The following IL16 variants were observed in gnomAD, a reference collection of about 807,000 sequenced individuals.
The protein encoded by IL16 is interleukin 16.
In IL16, 67 loss-of-function variants were observed where a neutral mutation model predicts 110.1. The ratio of observed to expected loss-of-function variants is 0.61; its 90% CI spans 0.50 to 0.75. The LOEUF (loss-of-function observed/expected upper bound fraction) is 0.75, where lower values mean the gene tolerates loss of function less well. Among genes scored for constraint, IL16 ranks in the 30% least tolerant of loss-of-function variants. The probability of loss-of-function intolerance (pLI) is 0.00; values close to 1 mark genes in which losing one functional copy is unlikely to be tolerated. For synonymous variants in IL16, 689 were observed against 662.9 expected (o/e 1.04, Z -0.61); for missense variants, 1,545 against 1,655.0 (o/e 0.93, Z 1.15).
chr15:81,221,413 A>T (rs1208312113), intron 1 of IL16, among the ~76,000 whole-genome samples: 3 of 152,100 alleles, frequency 2.0e-5, no homozygotes, highest in Non-Finnish European at 4.4e-5. Flanking sequence ...ATTAGTTCCA[A>T]CCTTTCGAAG....
intron 2 of IL16, among the ~76,000 whole-genome samples, chr15:81,228,114 C>T (rs1197932626): frequency 3.3e-5 from 5 of 151,972 alleles, no homozygotes; most frequent in Non-Finnish European, 5.9e-5. Flanking sequence ...CAAAGACAGG[C>T]GAGGAGAGGT....
At chr15:81,234,391 C>G (rs981487888) in intron 2 of IL16, among the ~76,000 whole-genome samples, 1 of 151,980 alleles carries the variant, frequency 6.6e-6, no homozygotes, top group African/African-American at 2.4e-5. Context: ...TTCCATTTCC[C>G]CTATGATTAG....
chr15:81,186,525 G>A (rs1595930429), intron 1 of IL16, among the ~76,000 whole-genome samples: 3 of 152,288 alleles, frequency 2.0e-5, no homozygotes, highest in East Asian at 3.9e-4. Context: ...TCTCAGTTCC[G>A]ACAAAGTTAT....
rs1368906570 is a variant in IL16 at position 81,312,104 on chromosome 15, T to C, written c.*3306T>C. On this transcript the variant is annotated 3_prime_UTR_variant, in exon 19 of 19. Coordinates refer to ENST00000683961, the MANE Select transcript of IL16 (RefSeq NM_172217.5). The stretch of plus-strand genomic sequence containing the variant: ...AGCGTGAAGGGATTTTAGTCACACG[T>C]GGTCTTTCTTACAAGGAAGGTGGTG... The C allele has an allele frequency of 6.6e-6, 1 of 152,258 alleles. No individual in the cohort carries two copies. The highest frequency in any genetic ancestry group is 1.5e-5 in the Non-Finnish European group (1 of 68,082). 9.4% of individuals were successfully genotyped at this position (152,258 alleles called of 1,614,324 possible).
chr15:81,290,009 C>A, intron 10 of IL16: 1 of 390,728 alleles, frequency 2.6e-6, no homozygotes, highest in Non-Finnish European at 5.0e-6. Context: ...CTCTAGGACT[C>A]ATACTCTTAA....
intron 2 of IL16, among the ~76,000 whole-genome samples, chr15:81,229,638 A>C (rs944296404): frequency 6.6e-6 from 1 of 152,172 alleles, no homozygotes; most frequent in Admixed American, 6.5e-5. Context: ...CAAAGGTTCC[A>C]GGTCAGCAAG....
In IL16 at chr15:81,225,346, C is replaced by A; in HGVS notation, c.-54C>A. 6.3e-7 allele frequency: 1 copy of A among 1,590,346 alleles called. No individual in the cohort carries two copies. Among genetic ancestry groups the A allele is most frequent in the Non-Finnish European group, 8.5e-7 (1 of 1,171,226 alleles). ...GCCCTGTCCAGTGGCCACCCGTCAGCCAAGGGCCAGAGACCAGGAAAGGAA... is the reference window on the plus strand; with the variant it reads ...GCCCTGTCCAGTGGCCACCCGTCAGACAAGGGCCAGAGACCAGGAAAGGAA... On this transcript the variant is annotated 5_prime_UTR_variant, in exon 2 of 19. Transcript: ENST00000683961.
At chr15:81,242,273 A>G (rs1897363692) in intron 2 of IL16, among the ~76,000 whole-genome samples, 1 of 152,174 alleles carries the variant, frequency 6.6e-6, no homozygotes, top group Non-Finnish European at 1.5e-5. Context: ...TATCTACAAA[A>G]AGTCTTACTG....
chr15:81,264,074 C>G (rs999943534), intron 3 of IL16, among the ~76,000 whole-genome samples: 1 of 152,188 alleles, frequency 6.6e-6, no homozygotes, highest in Non-Finnish European at 1.5e-5. Context: ...ATCTACCTTT[C>G]TATTAAACAC....
intron 16 of IL16, 24 bp from the exon 17 acceptor site, chr15:81,305,884 C>A (rs17875533): frequency 0.092 from 148,561 of 1,607,336 alleles, 8,137 homozygotes; most frequent in African/African-American, 0.2. Context: ...GATTTCTGGT[C>A]CTGACTTCCT....
intron 14 of IL16, among the ~76,000 whole-genome samples, chr15:81,300,914 C>T (rs957906441): frequency 2.1e-4 from 32 of 152,326 alleles, no homozygotes; most frequent in African/African-American, 7.5e-4. Context: ...CACGTGGGTT[C>T]AACTCCCTCG....
Position 81,208,353 on chromosome 15 carries a change from T to A in IL16, c.-102+11201T>A, listed in dbSNP as rs558668050. ...TTTTTACTCTGTTGATAGTTTCTTT[T>A]GCTGTGCAGAAGCTCGTTAGCTTAA... On this transcript the variant is annotated intron_variant, in intron 1 of 18. Coordinates refer to ENST00000683961, the MANE Select transcript of IL16 (RefSeq NM_172217.5). Among the ~76,000 whole-genome samples, 156 of 152,354 alleles carry A rather than the reference T, an allele frequency of 1.0e-3. 1 individual carries two copies. Among genetic ancestry groups the A allele is most frequent in the African/African-American group, 3.6e-3 (149 of 41,590 alleles).
At position 81,255,122 on chromosome 15, in the gene IL16, A is replaced by G. The variant is rs1434651000; in HGVS notation, c.313-4650A>G. Among the ~76,000 whole-genome samples the G allele has an allele frequency of 2.6e-4, 39 of 152,190 alleles. 1 individual carries two copies. Among genetic ancestry groups the G allele is most frequent in the Admixed American group, 2.6e-3 (39 of 15,284 alleles). ...GAACAATAACTTGAAATAGTCCCAGAGTATAGATGAGTACTAGACCCTTGT... is the reference window on the plus strand; with the variant it reads ...GAACAATAACTTGAAATAGTCCCAGGGTATAGATGAGTACTAGACCCTTGT... On this transcript the variant is annotated intron_variant, in intron 2 of 18. Transcript: ENST00000683961.
chr15:81,290,852 C>T (rs1448991541), intron 11 of IL16, among the ~76,000 whole-genome samples: 4 of 152,044 alleles, frequency 2.6e-5, no homozygotes, highest in African/African-American at 7.2e-5. Flanking sequence ...ACACAATAGC[C>T]CCTGCAGGCA....
intron 8 of IL16, 146 bp from the exon 9 acceptor site, chr15:81,282,493 G>A: frequency 1.5e-6 from 1 of 680,722 alleles, no homozygotes; most frequent in Admixed American, 2.0e-5. Flanking sequence ...CTAGAGCGGT[G>A]CCTGCACACA....
intron 2 of IL16, among the ~76,000 whole-genome samples, chr15:81,255,608 T>A (rs946813604): frequency 6.6e-6 from 1 of 152,144 alleles, no homozygotes; most frequent in African/African-American, 2.4e-5. Context: ...CCAGGTGCCA[T>A]GGAAAGAAGA....
intron 4 of IL16, among the ~76,000 whole-genome samples, chr15:81,267,509 G>GAA (rs201718572): frequency 0.017 from 1,783 of 107,634 alleles, 42 homozygotes; most frequent in African/African-American, 0.079. Context: ...CACACACAGA[G>GAA]AGAGCGAGAG....
chr15:81,263,830 T>G (rs993401333), intron 3 of IL16, among the ~76,000 whole-genome samples: 3 of 152,198 alleles, frequency 2.0e-5, no homozygotes, highest in Admixed American at 2.0e-4. Context: ...ATGGAGAGAA[T>G]GCAGGGAGAC....
intron 12 of IL16, among the ~76,000 whole-genome samples, chr15:81,294,860 G>A (rs958891536): frequency 6.6e-6 from 1 of 152,130 alleles, no homozygotes; most frequent in African/African-American, 2.4e-5. Context: ...CATTCCTGGG[G>A]ATTTCTCACT....
Sources: allele counts gnomAD v4.1 joint callset (sites outside exome capture counted in the v4.1 genomes callset), GRCh38; gene constraint gnomAD v4.1.1; transcripts MANE v1.5; gene names NCBI Gene and HGNC (gene_info 2026-07-23, HGNC 2026-07-21).